Variants in ATG5 observed in about 807,000 individuals in gnomAD.
The protein encoded by ATG5 is autophagy protein 5.
In ATG5, 14 loss-of-function variants were observed where a neutral mutation model predicts 36.5. The observed-to-expected ratio is 0.38, with a 90% CI of 0.25 to 0.60. The LOEUF (loss-of-function observed/expected upper bound fraction) is 0.60. Ranked by LOEUF, ATG5 falls within the 20% of genes least tolerant of loss-of-function variation. The probability of loss-of-function intolerance (pLI) is 0.60; values close to 1 mark genes in which losing one functional copy is unlikely to be tolerated. For missense variants in ATG5, 195 were observed against 326.7 expected, an observed-to-expected ratio of 0.60 and a Z score of 3.11; for synonymous variants, 95 against 101.5, an observed-to-expected ratio of 0.94 and a Z score of 0.38.
intron 4 of ATG5, among the ~76,000 whole-genome samples, chr6:106,288,126 A>G (rs1403455538): frequency 6.6e-6 from 1 of 151,622 alleles, no homozygotes. Context: ...ACCTACCACC[A>G]TGCCCAGCTA....
At chr6:106,284,094 C>T (rs139282985) in intron 4 of ATG5, among the ~76,000 whole-genome samples, 6 of 152,210 alleles carry the variant, frequency 3.9e-5, no homozygotes, top group Non-Finnish European at 7.4e-5. Context: ...GGGTTATTTC[C>T]ACTTTGCCTA....
intron 5 of ATG5, among the ~76,000 whole-genome samples, chr6:106,254,745 A>G (rs898069154): frequency 1.3e-5 from 2 of 152,234 alleles, no homozygotes; most frequent in African/African-American, 2.4e-5. Flanking sequence ...CTGAGCTTCT[A>G]GATTCTACCA....
intron 6 of ATG5, among the ~76,000 whole-genome samples, chr6:106,207,469 G>C (rs1390791703): frequency 6.6e-6 from 1 of 151,816 alleles, no homozygotes; most frequent in Non-Finnish European, 1.5e-5. Flanking sequence ...AGGAGACCGA[G>C]GTGGGAGGAG....
chr6:106,268,948 A>G (rs1779332545), intron 5 of ATG5, among the ~76,000 whole-genome samples: 1 of 152,184 alleles, frequency 6.6e-6, no homozygotes, highest in African/African-American at 2.4e-5. Context: ...TAAAACATAG[A>G]TGACGGGTTG....
chr6:106,302,325 A>G (rs1770247781), intron 3 of ATG5, among the ~76,000 whole-genome samples: 1 of 152,108 alleles, frequency 6.6e-6, no homozygotes, highest in Non-Finnish European at 1.5e-5. Flanking sequence ...ACCTGGAAAG[A>G]AGTGGGATCA....
At chr6:106,192,430 T>C (rs1775999681) in intron 7 of ATG5, among the ~76,000 whole-genome samples, 3 of 152,172 alleles carry the variant, frequency 2.0e-5, no homozygotes, top group African/African-American at 7.2e-5. Context: ...CAACAAGGAA[T>C]ATGATCTATA....
At chr6:106,286,775 A>G (rs1780094794) in intron 4 of ATG5, among the ~76,000 whole-genome samples, 1 of 152,248 alleles carries the variant, frequency 6.6e-6, no homozygotes, top group Non-Finnish European at 1.5e-5. Context: ...CATGGTCTTT[A>G]GGTGGTCAAT....
In ATG5 at chr6:106,316,339, T is replaced by C. The variant is rs944098477; in HGVS notation, c.-58-73A>G. The C allele has an allele frequency of 1.2e-5, 6 of 511,698 alleles. No homozygotes were observed. In the African/African-American group the frequency reaches 1.2e-4, roughly 10 times the overall value. The allele number at this position is 511,698 out of a possible 1,614,324, so 31.7% of individuals were successfully genotyped here. On this transcript the variant is annotated intron_variant, in intron 1 of 7. Transcript: ENST00000369076. ...GAACCTGCTAGAAAACAAAAGATTATTTTAAAAAATCCATGCCATAAAGAT... is the reference window on the plus strand; with the variant it reads ...GAACCTGCTAGAAAACAAAAGATTACTTTAAAAAATCCATGCCATAAAGAT...
chr6:106,268,426 G>T (rs530855787), intron 5 of ATG5, among the ~76,000 whole-genome samples: 1 of 152,280 alleles, frequency 6.6e-6, no homozygotes, highest in Non-Finnish European at 1.5e-5. Flanking sequence ...TTACACTGTT[G>T]GTGCGAGTGT....
At chr6:106,309,057 G>C (rs1770551665) in intron 2 of ATG5, among the ~76,000 whole-genome samples, 2 of 151,972 alleles carry the variant, frequency 1.3e-5, no homozygotes, top group South Asian at 2.1e-4. Context: ...GGAGTGTTTT[G>C]GAAAATCAAT....
chr6:106,317,557 G>A (rs1303771205), intron 1 of ATG5, among the ~76,000 whole-genome samples: 2 of 152,110 alleles, frequency 1.3e-5, no homozygotes, highest in Non-Finnish European at 2.9e-5. Flanking sequence ...AAAGTACTAG[G>A]CAACAAGAAT....
chr6:106,214,161 A>G (rs1391286577), intron 6 of ATG5, among the ~76,000 whole-genome samples: 1 of 152,196 alleles, frequency 6.6e-6, no homozygotes, highest in Non-Finnish European at 1.5e-5. Context: ...CAAATTTTAC[A>G]TCACATGGTT....
At chr6:106,293,206 G>A in intron 3 of ATG5, 100 bp from the exon 4 acceptor site, 1 of 912,350 alleles carries the variant, frequency 1.1e-6, no homozygotes, top group South Asian at 1.5e-5. Context: ...CAAATGTCAG[G>A]GGCTTTAATC....
chr6:106,233,492 G>GA (rs886201211), intron 6 of ATG5, among the ~76,000 whole-genome samples: 12 of 152,192 alleles, frequency 7.9e-5, no homozygotes, highest in East Asian at 7.7e-4. Context: ...ACATGTCACA[G>GA]AAAAAAACAG....
Position 106,308,463 on chromosome 6 carries a change from G to A in ATG5, c.137C>T (p.Thr46Met), listed in dbSNP as rs1449767767. 3.1e-6 allele frequency: 5 copies of A among 1,588,682 alleles called. No homozygotes were observed. Among genetic ancestry groups the A allele is most frequent in the East Asian group, 2.3e-5 (1 of 43,286 alleles). Residue 46 changes from threonine to methionine, a missense_variant, in exon 3 of 8, where the codon ACG (threonine) becomes ATG (methionine). Thr to Met is a moderately conservative substitution (Grantham distance 81). Coordinates refer to ENST00000369076, the MANE Select transcript of ATG5 (RefSeq NM_004849.4). Reference protein sequence around the residue: ...YLLLPRVSYLTLVTDKVKKHF... With the variant: ...YLLLPRVSYLMLVTDKVKKHF... ...CTTTTTCACTTTGTCAGTTACCAAC[G>A]TCAAATAACTTACTCTTGGCAAAAG...
intron 2 of ATG5, among the ~76,000 whole-genome samples, chr6:106,313,152 C>A (rs1003742546): frequency 6.6e-6 from 1 of 152,058 alleles, no homozygotes; most frequent in Non-Finnish European, 1.5e-5. Context: ...CTGGGCCTTG[C>A]CTAGAAGGAA....
intron 5 of ATG5, among the ~76,000 whole-genome samples, chr6:106,257,637 T>G (rs969405057): frequency 2.0e-5 from 3 of 152,208 alleles, no homozygotes; most frequent in African/African-American, 7.2e-5. Flanking sequence ...ACTCATTTCC[T>G]CATTTGCAAA....
intron 5 of ATG5, among the ~76,000 whole-genome samples, chr6:106,252,449 C>A (rs141488529): frequency 6.1e-4 from 92 of 151,248 alleles, no homozygotes; most frequent in African/African-American, 2.0e-3. Flanking sequence ...ATTGGTCTTG[C>A]AAATTTTAAA....
At chr6:106,309,250 C>T (rs1469668993) in intron 2 of ATG5, among the ~76,000 whole-genome samples, 1 of 152,118 alleles carries the variant, frequency 6.6e-6, no homozygotes, top group Non-Finnish European at 1.5e-5. Context: ...ATCTTTCATG[C>T]TTTTTATTCA....
Sources: allele counts gnomAD v4.1 joint callset (sites outside exome capture counted in the v4.1 genomes callset), GRCh38; gene constraint gnomAD v4.1.1; transcripts MANE v1.5; gene names NCBI Gene and HGNC (gene_info 2026-07-23, HGNC 2026-07-21).